Variants in CEP83 observed in about 807,000 individuals in gnomAD.
CEP83 encodes centrosomal protein of 83 kDa.
Under a neutral mutation model 101.9 loss-of-function variants are expected in CEP83, and 70 were observed. The observed-to-expected ratio is 0.69, with a 90% CI of 0.57 to 0.84. CEP83 has a LOEUF of 0.84. Ranked by LOEUF, CEP83 falls within the 40% of genes least tolerant of loss-of-function variation. The probability of loss-of-function intolerance (pLI) is 0.00; values close to 1 mark genes in which losing one functional copy is unlikely to be tolerated. For missense variants in CEP83, 715 were observed against 787.2 expected, an observed-to-expected ratio of 0.91 and a Z score of 1.10; for synonymous variants, 264 against 267.9, an observed-to-expected ratio of 0.99 and a Z score of 0.14.
At chr12:94,442,619 T>C (rs932386257) in intron 1 of CEP83, among the ~76,000 whole-genome samples, 1 of 152,166 alleles carries the variant, frequency 6.6e-6, no homozygotes, top group Non-Finnish European at 1.5e-5. Context: ...ATTAAATAAA[T>C]GTGTATGCTT....
In CEP83 at chr12:94,403,420, G is replaced by T. The variant is rs11107529; in HGVS notation, c.325-158C>A. On this transcript the variant is annotated intron_variant, in intron 4 of 16. Transcript: ENST00000397809. ...CACTATACAAATAGAATCATCATTT[G>T]AAATAATACTTTAAGAATCTCAATT... 6.6e-5 allele frequency among the ~76,000 whole-genome samples: 10 copies of T among 152,216 alleles called. 1 individual carries two copies. In the East Asian group the frequency reaches 1.9e-3, roughly 29 times the overall value.
At chr12:94,303,131 ACT>A (rs1968636856), downstream of CEP83, among the ~76,000 whole-genome samples, 1 of 152,204 alleles carries the variant, frequency 6.6e-6, no homozygotes, top group South Asian at 2.1e-4. Context: ...TTTAAATATC[ACT>A]GTTATAATTA....
At chr12:94,351,967 A>G (rs1284902408) in intron 11 of CEP83, among the ~76,000 whole-genome samples, 1 of 152,252 alleles carries the variant, frequency 6.6e-6, no homozygotes, top group Non-Finnish European at 1.5e-5. Context: ...TCATATGGAG[A>G]CTACATTACT....
chr12:94,283,426 A>G, the CEP83 span, among the ~76,000 whole-genome samples: 2 of 152,224 alleles, frequency 1.3e-5, no homozygotes, highest in Non-Finnish European at 2.9e-5. Flanking sequence ...TACTTACACC[A>G]CACCAGGTAC....
At chr12:94,459,871 G>A (rs1251632665), upstream of CEP83, 1 of 153,230 alleles carries the variant, frequency 6.5e-6, no homozygotes, top group African/African-American at 2.4e-5. Flanking sequence ...CAGGGGTGCG[G>A]CGCCACCCCA....
chr12:94,425,993 G>A (rs931901541), intron 2 of CEP83, among the ~76,000 whole-genome samples: 4 of 151,962 alleles, frequency 2.6e-5, no homozygotes, highest in Non-Finnish European at 5.9e-5. Flanking sequence ...GTGGTGACAG[G>A]CGCCTGTAGT....
At chr12:94,453,621 C>T (rs186068458) in intron 1 of CEP83, among the ~76,000 whole-genome samples, 1 of 152,284 alleles carries the variant, frequency 6.6e-6, no homozygotes, top group South Asian at 2.1e-4. Context: ...ACATAATAGG[C>T]ACTCAAATAT....
intron 1 of CEP83, among the ~76,000 whole-genome samples, chr12:94,448,365 T>C (rs2066963107): frequency 6.6e-6 from 1 of 152,152 alleles, no homozygotes; most frequent in Non-Finnish European, 1.5e-5. Context: ...AGCTGAAGAC[T>C]GCAATGACTG....
At chr12:94,290,180 T>G in the CEP83 span, among the ~76,000 whole-genome samples, 1 of 152,210 alleles carries the variant, frequency 6.6e-6, no homozygotes, top group Non-Finnish European at 1.5e-5. Flanking sequence ...CCAGAATGAA[T>G]CATCAGCTTC....
At chr12:94,303,412 T>C (rs1221316912), downstream of CEP83, among the ~76,000 whole-genome samples, 3 of 152,234 alleles carry the variant, frequency 2.0e-5, no homozygotes, top group African/African-American at 7.2e-5. Flanking sequence ...TCAGGCTTTT[T>C]ACAACCATTA....
At chr12:94,369,861 A>G (rs755427228) in intron 9 of CEP83, 61 bp downstream of exon 9, 1 of 865,176 alleles carries the variant, frequency 1.2e-6, no homozygotes, top group Non-Finnish European at 1.9e-6. Context: ...CTATTTTAAT[A>G]ATTTGAGTTC....
chr12:94,315,932 A>G (rs1206040356), intron 14 of CEP83, among the ~76,000 whole-genome samples: 4 of 152,242 alleles, frequency 2.6e-5, no homozygotes, highest in South Asian at 2.1e-4. Context: ...GATACCTGGT[A>G]GTTTTAAGTC....
rs1168236316 is a variant in CEP83 at position 94,459,804 on chromosome 12, C to G, written c.-402G>C. The G allele has an allele frequency of 6.5e-6, 1 of 153,850 alleles. No homozygotes were observed. Among genetic ancestry groups the G allele is most frequent in the Non-Finnish European group, 1.4e-5 (1 of 69,116 alleles). 9.5% of individuals were successfully genotyped at this position (153,850 alleles called of 1,614,324 possible). Reference sequence around the variant, plus strand: ...AATGTGAAGTATCCCGGGAGAGGTCCGAGGGCGGCGGCGGCGGCGGTGAAA... The same window carrying G: ...AATGTGAAGTATCCCGGGAGAGGTCGGAGGGCGGCGGCGGCGGCGGTGAAA... On this transcript the variant is annotated 5_prime_UTR_variant, in exon 1 of 17. Transcript: ENST00000397809.
At chr12:94,395,120 G>A (rs1346979335) in intron 6 of CEP83, among the ~76,000 whole-genome samples, 2 of 151,960 alleles carry the variant, frequency 1.3e-5, no homozygotes, top group African/African-American at 2.4e-5. Flanking sequence ...CCCATTATTG[G>A]GTACATACCC....
the CEP83 span, among the ~76,000 whole-genome samples, chr12:94,275,251 C>A: frequency 2.6e-5 from 4 of 152,236 alleles, no homozygotes; most frequent in Admixed American, 6.5e-5. Context: ...CATGAATTAT[C>A]TGAGAACAAG....
chr12:94,421,052 A>AT (rs936384253), intron 2 of CEP83, among the ~76,000 whole-genome samples: 1 of 151,458 alleles, frequency 6.6e-6, no homozygotes, highest in African/African-American at 2.4e-5. Context: ...ATAATTCATA[A>AT]TTTTTTTTGA....
rs112821675 is a variant in CEP83 at position 94,395,378 on chromosome 12, A to T, written c.549+5472T>A. ...TGAAAAAGTAACAAATTAAAAAAAAAAATAATCACTATTATGATGAGTTTC... is the reference window on the plus strand; with the variant it reads ...TGAAAAAGTAACAAATTAAAAAAAATAATAATCACTATTATGATGAGTTTC... On this transcript the variant is annotated intron_variant, in intron 6 of 16. Transcript: ENST00000397809. Among the ~76,000 whole-genome samples, 1,339 of 151,972 alleles carry T rather than the reference A, an allele frequency of 8.8e-3. 25 individuals are homozygous for T. The highest frequency in any genetic ancestry group is 0.03 in the African/African-American group (1,253 of 41,486).
In CEP83 at chr12:94,333,590, T is replaced by C; in HGVS notation, c.1469A>G (p.Asn490Ser). ...CATTTGGTTTGAATTCAGCAAGTCA[T>C]TCTCTGACTGTGCAAGTGAAGTCAC... ...IQVTSLAQSE[N>S]DLLNSNQMLK... The change falls in exon 13 of 17, where the codon AAT (asparagine) becomes AGT (serine). Residue 490 changes from asparagine to serine, a missense_variant. Transcript: ENST00000397809. The C allele has an allele frequency of 6.2e-7, 1 of 1,613,790 alleles. No individual in the cohort carries two copies. Among genetic ancestry groups the C allele is most frequent in the Non-Finnish European group, 8.5e-7 (1 of 1,179,746 alleles).
intron 14 of CEP83, among the ~76,000 whole-genome samples, chr12:94,329,241 T>C (rs1000228278): frequency 1.3e-5 from 2 of 152,124 alleles, no homozygotes; most frequent in African/African-American, 4.8e-5. Flanking sequence ...AAATGTTACT[T>C]TGTAGTGTTT....
Sources: allele counts gnomAD v4.1 joint callset (sites outside exome capture counted in the v4.1 genomes callset), GRCh38; gene constraint gnomAD v4.1.1; transcripts MANE v1.5; gene names NCBI Gene and HGNC (gene_info 2026-07-23, HGNC 2026-07-21).